The following ATXN7L1 variants were observed in gnomAD, a reference collection of about 807,000 sequenced individuals.
ATXN7L1 encodes the protein ataxin-7-like protein 1.
Under a neutral mutation model 70.8 loss-of-function variants are expected in ATXN7L1, and 15 were observed. That is an observed-to-expected ratio of 0.21 (90% confidence interval 0.14 to 0.33). The LOEUF is 0.33. ATXN7L1 is among the 10% of genes least tolerant of loss of function. ATXN7L1 has a pLI of 1.00. For missense variants in ATXN7L1, 975 were observed against 1,097.1 expected (o/e 0.89, Z 1.57); for synonymous variants, 440 against 445.1 (o/e 0.99, Z 0.14).
At chr7:105,700,042 C>T (rs1792233811) in intron 3 of ATXN7L1, among the ~76,000 whole-genome samples, 2 of 152,318 alleles carry the variant, frequency 1.3e-5, no homozygotes, top group South Asian at 2.1e-4. Context: ...CTCAGAGCCC[C>T]TCCGAGCCGC....
At chr7:105,711,835 C>A (rs1016774657) in intron 3 of ATXN7L1, among the ~76,000 whole-genome samples, 1 of 152,252 alleles carries the variant, frequency 6.6e-6, no homozygotes, top group African/African-American at 2.4e-5. Context: ...TGCCCCAGTG[C>A]GGACTTTGTG....
Position 105,639,537 on chromosome 7 carries a change from C to G in ATXN7L1, c.895G>C (p.Val299Leu). The G allele has an allele frequency of 6.4e-7, 1 of 1,551,518 alleles. No individual in the cohort carries two copies. The highest frequency in any genetic ancestry group is 8.7e-7 in the Non-Finnish European group (1 of 1,146,882). The change falls in exon 6 of 12, where the codon GTA becomes CTA. Residue 299 changes from valine (V) to leucine (L), a missense_variant. Around this residue, in one of 5 missense-constraint regions of ATXN7L1, gnomAD observed 192 missense variants for 215.5 expected, o/e 0.89. Transcript: ENST00000419735. ...REFDPNKHCG[V>L]LDPETKKPCT... ...GGTTTCTTTGTCTCGGGATCCAATACTCCACAGTGTTTATTTGGGTCAAAT... is the reference window on the plus strand; with the variant it reads ...GGTTTCTTTGTCTCGGGATCCAATAGTCCACAGTGTTTATTTGGGTCAAAT...
intron 3 of ATXN7L1, among the ~76,000 whole-genome samples, chr7:105,666,729 T>C (rs1469445643): frequency 1.3e-5 from 2 of 152,166 alleles, no homozygotes; most frequent in Non-Finnish European, 2.9e-5. Flanking sequence ...ACAGGGTGCT[T>C]TTTCCTCATT....
chr7:105,775,497 A>G (rs1300108755), intron 3 of ATXN7L1, among the ~76,000 whole-genome samples: 1 of 152,230 alleles, frequency 6.6e-6, no homozygotes, highest in South Asian at 2.1e-4. Flanking sequence ...AGATGAAGAC[A>G]TAAGAATCGG....
intron 10 of ATXN7L1, chr7:105,613,651 C>T: frequency 7.0e-7 from 1 of 1,426,684 alleles, no homozygotes; most frequent in East Asian, 2.5e-5. Context: ...CCGTAAAGTG[C>T]CGAGAACAGT....
chr7:105,626,655 G>C (rs994695837), intron 7 of ATXN7L1, among the ~76,000 whole-genome samples: 1 of 152,054 alleles, frequency 6.6e-6, no homozygotes, highest in East Asian at 1.9e-4. Flanking sequence ...CTCTCCCGAC[G>C]TTCCTCAATA....
At chr7:105,668,218 T>C (rs907611694) in intron 3 of ATXN7L1, among the ~76,000 whole-genome samples, 1 of 152,202 alleles carries the variant, frequency 6.6e-6, no homozygotes, top group Non-Finnish European at 1.5e-5. Flanking sequence ...TGACACATTC[T>C]GCTGCTAAAT....
Position 105,606,234 on chromosome 7 carries a change from T to TAA in ATXN7L1, c.*1616_*1617dup, listed in dbSNP as rs1184699473. The TAA allele has an allele frequency of 1.3e-5, 2 of 152,202 alleles. No homozygotes were observed. Among genetic ancestry groups the TAA allele is most frequent in the Non-Finnish European group, 2.9e-5 (2 of 68,042 alleles). The allele number at this position is 152,202 out of a possible 1,614,324, so 9.4% of individuals were successfully genotyped here. A position where few individuals can be genotyped will look rare whatever the true frequency, so the allele number is the denominator to read the frequency against. Reference sequence around the variant, plus strand: ...GATTTTTAAACAAATCATTTTATATTAAAAAATTTAGTAATCCTATAAGAA... The same window carrying TAA: ...GATTTTTAAACAAATCATTTTATATTAAAAAAAATTTAGTAATCCTATAAGAA... On this transcript the variant is annotated 3_prime_UTR_variant, in exon 12 of 12. Coordinates refer to ENST00000419735, the MANE Select transcript of ATXN7L1 (RefSeq NM_020725.2).
chr7:105,661,613 G>GTCTGGGGAACTGCAC (rs1481097561), intron 4 of ATXN7L1, among the ~76,000 whole-genome samples: 6 of 152,208 alleles, frequency 3.9e-5, no homozygotes, highest in Admixed American at 6.5e-5. Context: ...CTCAGTACAG[G>GTCTGGGGAACTGCAC]TCTGGGGAAC....
chr7:105,641,016 A>G (rs1276840753), intron 5 of ATXN7L1, among the ~76,000 whole-genome samples: 1 of 152,220 alleles, frequency 6.6e-6, no homozygotes, highest in African/African-American at 2.4e-5. Context: ...GCATATAACA[A>G]TGCTCAGATT....
chr7:105,632,918 C>CT (rs1457599291), intron 7 of ATXN7L1, among the ~76,000 whole-genome samples: 66 of 31,990 alleles, frequency 2.1e-3, no homozygotes, highest in African/African-American at 6.5e-3. Context: ...GTAATCTTGT[C>CT]TTTAAAAAAA....
chr7:105,624,477 C>T lies in ATXN7L1; in HGVS notation c.1203-210G>A, dbSNP rs763041275. 2.0e-5 allele frequency among the ~76,000 whole-genome samples: 3 copies of T among 152,062 alleles called. No homozygotes were observed. The East Asian group carries it at 5.8e-4, about 29-fold the overall frequency. ...CCATCCTGGCCAACATGGTGAAACCCCGTCTCTACTAAAATACAAAAAATT... is the reference window on the plus strand; with the variant it reads ...CCATCCTGGCCAACATGGTGAAACCTCGTCTCTACTAAAATACAAAAAATT... On this transcript the variant is annotated intron_variant, in intron 7 of 11. Coordinates refer to ENST00000419735, the MANE Select transcript of ATXN7L1 (RefSeq NM_020725.2).
At chr7:105,714,334 C>A (rs1020819708) in intron 3 of ATXN7L1, among the ~76,000 whole-genome samples, 1 of 152,228 alleles carries the variant, frequency 6.6e-6, no homozygotes, top group Non-Finnish European at 1.5e-5. Context: ...AAATGCCCCA[C>A]CCTCCTGACC....
intron 2 of ATXN7L1, among the ~76,000 whole-genome samples, chr7:105,822,104 C>T (rs539854057): frequency 6.6e-6 from 1 of 152,306 alleles, no homozygotes; most frequent in African/African-American, 2.4e-5. Flanking sequence ...GTCTTAGGAA[C>T]AACATTGCTG....
At chr7:105,875,910 A>G (rs1302321817) in intron 1 of ATXN7L1, 30 bp from the exon 2 acceptor site, 14 of 1,603,562 alleles carry the variant, frequency 8.7e-6, no homozygotes, top group African/African-American at 1.3e-5. Context: ...GGAAAACAGA[A>G]AATAAGGAAA....
intron 9 of ATXN7L1, among the ~76,000 whole-genome samples, chr7:105,615,037 T>C (rs567319491): frequency 6.6e-6 from 1 of 152,212 alleles, no homozygotes; most frequent in East Asian, 1.9e-4. Context: ...ACGCACAGTC[T>C]TTCAGATCCT....
At chr7:105,676,336 C>A (rs1187718529) in intron 3 of ATXN7L1, among the ~76,000 whole-genome samples, 1 of 152,198 alleles carries the variant, frequency 6.6e-6, no homozygotes, top group Non-Finnish European at 1.5e-5. Flanking sequence ...TGTGTTTAAA[C>A]ACAGGAGTCA....
intron 4 of ATXN7L1, among the ~76,000 whole-genome samples, chr7:105,656,818 G>A (rs571492808): frequency 3.2e-4 from 48 of 152,268 alleles, no homozygotes; most frequent in Admixed American, 1.4e-3. Flanking sequence ...TGGTCCACCC[G>A]CCTCGGCCTC....
At chr7:105,657,980 C>A (rs181703966) in intron 4 of ATXN7L1, among the ~76,000 whole-genome samples, 1 of 152,116 alleles carries the variant, frequency 6.6e-6, no homozygotes, top group African/African-American at 2.4e-5. Flanking sequence ...TAATAAAACA[C>A]ATGCAGGATT....
Sources: allele counts gnomAD v4.1 joint callset (sites outside exome capture counted in the v4.1 genomes callset), GRCh38; gene constraint gnomAD v4.1.1; regional missense constraint gnomAD v4.1.1; transcripts MANE v1.5; gene names NCBI Gene and HGNC (gene_info 2026-07-23, HGNC 2026-07-21).